COL25A1: variants seen among roughly 807,000 people sequenced by gnomAD.
COL25A1 encodes collagen type XXV alpha 1 chain.
COL25A1 carries 103 observed loss-of-function variants against 128.4 expected under a neutral mutation model. That is an observed-to-expected ratio of 0.80 (90% CI 0.68 to 0.94). The LOEUF is 0.94. Among genes scored for constraint, COL25A1 ranks in the 40% least tolerant of loss-of-function variants. The pLI is 0.00. For synonymous variants in COL25A1, 279 were observed against 277.2 expected (o/e 1.01, Z -0.06); for missense variants, 745 against 840.0 (o/e 0.89, Z 1.40).
At chr4:108,948,556 T>G (rs945240486) in intron 8 of COL25A1, among the ~76,000 whole-genome samples, 1 of 118,044 alleles carries the variant, frequency 8.5e-6, no homozygotes, top group African/African-American at 2.6e-5. Context: ...TTTTTTTGTC[T>G]ATAAATGATA....
intron 3 of COL25A1, among the ~76,000 whole-genome samples, chr4:109,071,371 CAGGACATAGGCATGGGCA>C (rs1303027637): frequency 6.6e-6 from 1 of 152,096 alleles, no homozygotes. Flanking sequence ...CAATACCATT[CAGGACATAGGCATGGGCA>C]AGGACTTCAT....
chr4:109,231,800 T>G (rs1296971348), intron 3 of COL25A1, among the ~76,000 whole-genome samples: 1 of 152,224 alleles, frequency 6.6e-6, no homozygotes, highest in Non-Finnish European at 1.5e-5. Context: ...CGGCACTCTG[T>G]TACTAAATAT....
At chr4:108,971,340 T>C (rs1330063836) in intron 8 of COL25A1, among the ~76,000 whole-genome samples, 1 of 152,178 alleles carries the variant, frequency 6.6e-6, no homozygotes. Flanking sequence ...GAGAAGAACC[T>C]TGCTTTTATG....
chr4:109,219,156 G>A (rs1778250353), intron 3 of COL25A1, among the ~76,000 whole-genome samples: 2 of 152,074 alleles, frequency 1.3e-5, no homozygotes, highest in African/African-American at 4.8e-5. Context: ...AAGTCAGTCT[G>A]GAAGGCTTGA....
intron 6 of COL25A1, among the ~76,000 whole-genome samples, chr4:108,975,994 G>C (rs759395185): frequency 4.6e-5 from 7 of 151,966 alleles, no homozygotes; most frequent in Non-Finnish European, 8.8e-5. Context: ...TTCCCACTTT[G>C]TTTACTGCCT....
chr4:109,179,175 CA>C (rs1774393897), intron 3 of COL25A1, among the ~76,000 whole-genome samples: 1 of 152,214 alleles, frequency 6.6e-6, no homozygotes, highest in Admixed American at 6.5e-5. Context: ...AGGTGACGGT[CA>C]CCACCTGTGT....
intron 6 of COL25A1, among the ~76,000 whole-genome samples, chr4:108,998,464 G>A (rs1387048095): frequency 6.6e-6 from 1 of 152,140 alleles, no homozygotes; most frequent in Non-Finnish European, 1.5e-5. Flanking sequence ...TGAAATAAAA[G>A]ATGACACAAA....
At chr4:108,954,550 G>A (rs1749829859) in intron 8 of COL25A1, among the ~76,000 whole-genome samples, 1 of 151,918 alleles carries the variant, frequency 6.6e-6, no homozygotes, top group Non-Finnish European at 1.5e-5. Context: ...AGACAAAAAT[G>A]TCAAGAGTAA....
At chr4:108,824,103 C>T in intron 35 of COL25A1, 71 bp downstream of exon 35, 1 of 1,613,900 alleles carries the variant, frequency 6.2e-7, no homozygotes, top group Admixed American at 1.7e-5. Context: ...AATGGAATCA[C>T]ACAAGCTGAA....
At chr4:109,064,427 G>C (rs1000142377) in intron 3 of COL25A1, among the ~76,000 whole-genome samples, 16 of 152,184 alleles carry the variant, frequency 1.1e-4, no homozygotes, top group African/African-American at 3.4e-4. Context: ...TGGATAATAA[G>C]TTGATGTTAA....
rs566591572 is a variant in COL25A1, at chr4:108,927,337, C to T, written c.709-6733G>A. Among the ~76,000 whole-genome samples the T allele has an allele frequency of 2.8e-4, 42 of 152,202 alleles. No individual in the cohort carries two copies. In the South Asian group the frequency reaches 3.1e-3, roughly 11 times the overall value. ...CTTCCTCAGGCCATATATTTCACAT[C>T]GTCAGCACCTAGATTAGTGCCTAAC... On this transcript the variant is annotated intron_variant, in intron 11 of 37. Coordinates refer to ENST00000399132, the MANE Select transcript of COL25A1 (RefSeq NM_198721.4).
chr4:109,163,971 A>G (rs1282984376), intron 3 of COL25A1, among the ~76,000 whole-genome samples: 1 of 152,242 alleles, frequency 6.6e-6, no homozygotes, highest in African/African-American at 2.4e-5. Flanking sequence ...TAATCCAAGT[A>G]GTAAAACCTG....
At chr4:109,263,883 C>T (rs7686182) in intron 3 of COL25A1, among the ~76,000 whole-genome samples, 66,579 of 152,056 alleles carry the variant, frequency 0.44, 16,223 homozygotes, top group African/African-American at 0.64. Flanking sequence ...CATTCATTAA[C>T]ACTTGCTAAA....
chr4:109,063,716 G>A (rs886335223), intron 3 of COL25A1, among the ~76,000 whole-genome samples: 109 of 152,166 alleles, frequency 7.2e-4, no homozygotes, highest in African/African-American at 2.6e-3. Context: ...CACATGCACT[G>A]CAGCTTACCA....
chr4:108,927,228 T>C (rs1405310449), intron 11 of COL25A1, among the ~76,000 whole-genome samples: 1 of 152,192 alleles, frequency 6.6e-6, no homozygotes, highest in Non-Finnish European at 1.5e-5. Flanking sequence ...CTTGTTTTTT[T>C]CCTTTGTGTT....
At chr4:109,103,014 T>C (rs1766056437) in intron 3 of COL25A1, among the ~76,000 whole-genome samples, 1 of 152,174 alleles carries the variant, frequency 6.6e-6, no homozygotes, top group African/African-American at 2.4e-5. Flanking sequence ...ACTATAGATA[T>C]CGCACTAGTT....
intron 5 of COL25A1, among the ~76,000 whole-genome samples, chr4:109,045,776 C>T (rs1409496751): frequency 2.6e-5 from 4 of 152,042 alleles, no homozygotes; most frequent in Non-Finnish European, 5.9e-5. Flanking sequence ...GAATTATCTT[C>T]CAGTCAGTAT....
intron 3 of COL25A1, among the ~76,000 whole-genome samples, chr4:109,178,871 AT>A (rs1392866555): frequency 6.6e-6 from 1 of 150,558 alleles, no homozygotes; most frequent in Admixed American, 6.6e-5. Flanking sequence ...TGGATTTCAT[AT>A]CACCTAGCCA....
rs1465238766 is a variant in COL25A1 at position 109,288,998 on chromosome 4, CACACACAT to C, written c.367+11577_367+11584del. Among the ~76,000 whole-genome samples, 1,417 of 146,912 alleles carry C rather than the reference CACACACAT, an allele frequency of 9.6e-3. 18 individuals carry two copies. The highest frequency in any genetic ancestry group is 0.034 in the African/African-American group (1,315 of 39,048). On this transcript the variant is annotated intron_variant, in intron 3 of 37. Coordinates refer to ENST00000399132, the MANE Select transcript of COL25A1 (RefSeq NM_198721.4). The stretch of plus-strand genomic sequence containing the variant: ...ACACACACACACACACACACACACA[CACACACAT>C]ATATATACAAAATTTTTTGCTTACC...
Sources: allele counts gnomAD v4.1 joint callset (sites outside exome capture counted in the v4.1 genomes callset), GRCh38; gene constraint gnomAD v4.1.1; transcripts MANE v1.5; gene names NCBI Gene and HGNC (gene_info 2026-07-23, HGNC 2026-07-21).